The following LEMD3 variants were observed in gnomAD, a reference collection of about 807,000 sequenced individuals.
The protein encoded by LEMD3 is LEM domain containing 3.
A neutral mutation model predicts 95.2 loss-of-function variants in LEMD3; 33 were observed. The ratio of observed to expected loss-of-function variants is 0.35; its 90% confidence interval spans 0.26 to 0.46. LEMD3 has a LOEUF of 0.46. Ranked by LOEUF, LEMD3 falls within the 20% of genes least tolerant of loss-of-function variation. The pLI is 1.00. For missense variants in LEMD3, 1,210 were observed against 1,192.8 expected (o/e 1.01, Z -0.21); for synonymous variants, 525 against 474.6 (o/e 1.11, Z -1.38).
chr12:65,238,538 T>G lies in LEMD3; in HGVS notation c.1732T>G (p.Ser578Ala), dbSNP rs566358684. 1.8e-5 allele frequency: 29 copies of G among 1,611,396 alleles called. No homozygotes were observed. The Admixed American group carries it at 4.7e-4, about 26-fold the overall frequency. ...GPEYEGIFNT[S>A]LQWILENGKD... is the part of the protein sequence containing the mutation. ...TGAATATGAAGGTATATTTAACACT[T>G]CATTGCAGTGGATCTTAGAAAATGG... The change falls in exon 5 of 13, where the codon TCA becomes GCA. Residue 578 changes from serine to alanine, a missense_variant. By Grantham distance (99) the Ser-to-Ala change is moderately conservative. Coordinates refer to ENST00000308330, the MANE Select transcript of LEMD3 (RefSeq NM_014319.5).
In LEMD3 at chr12:65,247,692, T is replaced by C. The variant is rs756354816; in HGVS notation, c.*1367T>C. ...TACAAATTTTGGTTGTATTTAAAGC[T>C]CAGTTTCCTTTTTGTTTTATTGTAT... On this transcript the variant is annotated 3_prime_UTR_variant, in exon 13 of 13. Coordinates refer to ENST00000308330, the MANE Select transcript of LEMD3 (RefSeq NM_014319.5). The C allele has an allele frequency of 3.9e-5, 6 of 152,698 alleles. No homozygotes were observed. The highest frequency in any genetic ancestry group is 8.8e-5 in the Non-Finnish European group (6 of 68,004). 9.5% of individuals were successfully genotyped at this position (152,698 alleles called of 1,614,324 possible).
chr12:65,227,951 C>G (rs573533307), intron 4 of LEMD3, among the ~76,000 whole-genome samples: 6 of 152,038 alleles, frequency 3.9e-5, no homozygotes, highest in South Asian at 4.2e-4. Context: ...TATATTGACT[C>G]TATTCAGTAT....
At chr12:65,205,007 G>GTTC (rs1346764420) in intron 1 of LEMD3, among the ~76,000 whole-genome samples, 1 of 152,168 alleles carries the variant, frequency 6.6e-6, no homozygotes, top group African/African-American at 2.4e-5. Context: ...TTGACTCACA[G>GTTC]TTCTGCAAGG....
rs1035769777 is a variant in LEMD3 at position 65,228,405 on chromosome 12, T to TA, written c.1695+9786_1695+9787insA. ...GTTATTATTTATTTATTTATTTATTTTTTTTTTTGAGGTGGAGTCTTGCTC... is the reference window on the plus strand; with the variant it reads ...GTTATTATTTATTTATTTATTTATTTATTTTTTTTGAGGTGGAGTCTTGCTC... On this transcript the variant is annotated intron_variant, in intron 4 of 12. Transcript: ENST00000308330. 2.4e-4 allele frequency among the ~76,000 whole-genome samples: 26 copies of TA among 106,280 alleles called. No homozygotes were observed. The South Asian group carries it at 3.0e-3, about 12-fold the overall frequency. The allele number at this position is 106,280 out of a possible 152,430, so 69.7% of individuals were successfully genotyped here.
At chr12:65,225,550 A>G (rs1870421101) in intron 4 of LEMD3, among the ~76,000 whole-genome samples, 1 of 151,996 alleles carries the variant, frequency 6.6e-6, no homozygotes, top group Non-Finnish European at 1.5e-5. Flanking sequence ...GTGTCTGTAG[A>G]TTATCTGGAG....
chr12:65,172,328 GA>G (rs1355011955), intron 1 of LEMD3, among the ~76,000 whole-genome samples: 1 of 152,176 alleles, frequency 6.6e-6, no homozygotes, highest in Admixed American at 6.5e-5. Context: ...CACCCAAGAT[GA>G]ATTCACTGTA....
At chr12:65,217,684 G>T (rs117387379) in intron 3 of LEMD3, among the ~76,000 whole-genome samples, 5,143 of 152,174 alleles carry the variant, frequency 0.034, 130 homozygotes, top group Non-Finnish European at 0.051. Flanking sequence ...CCCTGAATTC[G>T]CTTCTTATCA....
At chr12:65,238,443 C>A in intron 4 of LEMD3, 59 bp from the exon 5 acceptor site, 3 of 1,051,284 alleles carry the variant, frequency 2.9e-6, no homozygotes, top group Non-Finnish European at 3.0e-6. Flanking sequence ...ATAAAGGATA[C>A]TTTACAGAGA....
At chr12:65,200,377 A>G (rs1869562972) in intron 1 of LEMD3, among the ~76,000 whole-genome samples, 1 of 152,076 alleles carries the variant, frequency 6.6e-6, no homozygotes, top group South Asian at 2.1e-4. Flanking sequence ...GGTTCAATAA[A>G]TCTGTGCTTT....
chr12:65,239,925 A>G lies in LEMD3; in HGVS notation c.1922-4A>G. 1 of 1,576,274 alleles carries G rather than the reference A, an allele frequency of 6.3e-7. No individual in the cohort carries two copies. Among genetic ancestry groups the G allele is most frequent in the Non-Finnish European group, 8.7e-7 (1 of 1,145,894 alleles). ...TTAAAATACAAAGTATATTAATATT[A>G]CAGGTGTAGTGATGGTTTGTGTCGT... On this transcript the variant is annotated splice_polypyrimidine_tract_variant and splice_region_variant and intron_variant, in intron 6 of 12. Transcript: ENST00000308330.
intron 4 of LEMD3, among the ~76,000 whole-genome samples, chr12:65,225,139 C>T (rs977347880): frequency 6.6e-6 from 1 of 152,092 alleles, no homozygotes; most frequent in African/African-American, 2.4e-5. Flanking sequence ...GCATTGTTTT[C>T]CTGATCTTGT....
At chr12:65,201,625 T>TA (rs1381794985) in intron 1 of LEMD3, among the ~76,000 whole-genome samples, 1 of 152,182 alleles carries the variant, frequency 6.6e-6, no homozygotes, top group Non-Finnish European at 1.5e-5. Context: ...GTAGTTGACT[T>TA]TTGTCTATTA....
rs1868436630 is a variant in LEMD3 at position 65,169,602 on chromosome 12, G to A, written c.6G>A (p.Ala2=). 1.3e-6 allele frequency: 2 copies of A among 1,587,854 alleles called. No homozygotes were observed. The highest frequency in any genetic ancestry group is 1.1e-5 in the South Asian group (1 of 87,582). M[A]AAAASAPQQL... The stretch of plus-strand genomic sequence containing the variant: ...TAAAACACCCTGGAGAGAAAATGGC[G>A]GCGGCAGCAGCTTCGGCGCCTCAGC... The change falls in exon 1 of 13, where the codon GCG becomes GCA. Residue 2 remains alanine, a synonymous_variant. Transcript: ENST00000308330.
intron 1 of LEMD3, among the ~76,000 whole-genome samples, chr12:65,198,469 C>CT (rs1415376140): frequency 6.6e-6 from 1 of 151,676 alleles, no homozygotes; most frequent in Non-Finnish European, 1.5e-5. Flanking sequence ...GTTGAAACTT[C>CT]TAAGAGTTAG....
chr12:65,201,657 C>G (rs916773774), intron 1 of LEMD3, among the ~76,000 whole-genome samples: 5 of 152,228 alleles, frequency 3.3e-5, no homozygotes, highest in African/African-American at 1.2e-4. Context: ...TGCAACCTTG[C>G]TTATTAGTTC....
intron 3 of LEMD3, among the ~76,000 whole-genome samples, chr12:65,216,538 C>T (rs113641917): frequency 0.011 from 1,674 of 151,900 alleles, 40 homozygotes; most frequent in African/African-American, 0.038. Flanking sequence ...TCAACTTGTC[C>T]GAAATGGGAA....
chr12:65,192,576 CAG>C (rs1169566334), intron 1 of LEMD3, among the ~76,000 whole-genome samples: 1 of 152,040 alleles, frequency 6.6e-6, no homozygotes, highest in African/African-American at 2.4e-5. Context: ...TTCCTCCATA[CAG>C]AGTTGTTTAC....
At chr12:65,223,845 T>TC in intron 4 of LEMD3, among the ~76,000 whole-genome samples, 1 of 151,502 alleles carries the variant, frequency 6.6e-6, no homozygotes, top group South Asian at 2.1e-4. Context: ...TTTTTTTTTT[T>TC]TTGTAGTGAC....
At chr12:65,217,614 A>G (rs1422239661) in intron 3 of LEMD3, among the ~76,000 whole-genome samples, 2 of 152,228 alleles carry the variant, frequency 1.3e-5, no homozygotes, top group African/African-American at 4.8e-5. Flanking sequence ...AAACATGACA[A>G]TTGGAGTTCA....
Sources: gnomAD v4.1 joint callset for allele counts (sites outside exome capture counted in the v4.1 genomes callset) on GRCh38, gnomAD v4.1.1 for gene constraint, MANE v1.5 for transcripts, NCBI Gene and HGNC (gene_info 2026-07-23, HGNC 2026-07-21) for gene names.